The following NBAS variants were observed in gnomAD, a reference collection of about 807,000 sequenced individuals.
NBAS encodes NBAS subunit of NRZ tethering complex, also known as NAG/BC035112 fusion.
NBAS carries 219 observed loss-of-function variants against 302.5 expected under a neutral mutation model. The observed-to-expected ratio is 0.72, with a 90% confidence interval of 0.65 to 0.81. The LOEUF is 0.81. NBAS is among the 30% of genes least tolerant of loss of function. The pLI is 0.00. For synonymous variants in NBAS, 1,118 were observed against 1,021.6 expected (o/e 1.09, Z -1.80); for missense variants, 2,932 against 2,841.6 (o/e 1.03, Z -0.72).
rs1242796174 is a variant in NBAS at position 15,504,044 on chromosome 2, G to A, written c.954+101C>T. 5.7e-6 allele frequency: 5 copies of A among 878,326 alleles called. No individual in the cohort carries two copies. The East Asian group carries it at 9.8e-5, about 17-fold the overall frequency. The allele number at this position is 878,326 out of a possible 1,614,324, so 54.4% of individuals were successfully genotyped here. On this transcript the variant is annotated intron_variant, in intron 11 of 51. Coordinates refer to ENST00000281513, the MANE Select transcript of NBAS (RefSeq NM_015909.4). ...ATAGTGTATATGAATACACTCAGATGAAGATACAAAAAATTCGAGGTTCAT... is the reference window on the plus strand; with the variant it reads ...ATAGTGTATATGAATACACTCAGATAAAGATACAAAAAATTCGAGGTTCAT...
At chr2:14,869,518 G>GT in the NBAS span, among the ~76,000 whole-genome samples, 1 of 152,080 alleles carries the variant, frequency 6.6e-6, no homozygotes, top group Non-Finnish European at 1.5e-5. Context: ...ATTTATCAAA[G>GT]TTTTTTAATG....
intron 35 of NBAS, among the ~76,000 whole-genome samples, chr2:15,333,157 C>T (rs1279209917): frequency 1.3e-5 from 2 of 152,114 alleles, no homozygotes; most frequent in African/African-American, 4.8e-5. Context: ...CAGAAGGCTT[C>T]GCAGAGAAGG....
chr2:15,535,236 A>G (rs1005385790), intron 8 of NBAS, among the ~76,000 whole-genome samples: 1 of 152,188 alleles, frequency 6.6e-6, no homozygotes. Context: ...AAAATGGCAT[A>G]GTAGGCCAGG....
the NBAS span, among the ~76,000 whole-genome samples, chr2:14,963,515 AC>A: frequency 2.0e-5 from 3 of 152,296 alleles, no homozygotes; most frequent in African/African-American, 7.2e-5. Context: ...TTTTCTTTCA[AC>A]AAAAAGGAAA....
chr2:15,093,642 C>G, the NBAS span, among the ~76,000 whole-genome samples: 10 of 152,110 alleles, frequency 6.6e-5, no homozygotes, highest in African/African-American at 2.4e-4. Flanking sequence ...GGAACTTTAT[C>G]AGTGTTATTT....
intron 23 of NBAS, among the ~76,000 whole-genome samples, chr2:15,420,234 G>A (rs930988891): frequency 3.3e-5 from 5 of 152,136 alleles, no homozygotes; most frequent in African/African-American, 7.2e-5. Flanking sequence ...CACAGAAGCC[G>A]AAGAAGAATT....
At chr2:15,172,435 T>C (rs1004055784) in intron 51 of NBAS, among the ~76,000 whole-genome samples, 1 of 152,304 alleles carries the variant, frequency 6.6e-6, no homozygotes, top group Non-Finnish European at 1.5e-5. Context: ...TTGTTTACAG[T>C]TCTGTTTCGG....
intron 48 of NBAS, among the ~76,000 whole-genome samples, chr2:15,217,350 C>T (rs1005548734): frequency 6.6e-6 from 1 of 152,114 alleles, no homozygotes; most frequent in African/African-American, 2.4e-5. Context: ...GAAGAGCAAA[C>T]AATAGTATTG....
chr2:14,954,244 GAATT>G, the NBAS span, among the ~76,000 whole-genome samples: 1 of 152,174 alleles, frequency 6.6e-6, no homozygotes, highest in African/African-American at 2.4e-5. Flanking sequence ...GTGCTAAAAT[GAATT>G]AATTGAGGTC....
rs902447431 is a variant in NBAS at position 15,334,480 on chromosome 2, GC to G, written c.4180-3716del. Among the ~76,000 whole-genome samples, 182 of 152,112 alleles carry G rather than the reference GC, an allele frequency of 1.2e-3. 1 individual carries two copies. The highest frequency in any genetic ancestry group is 4.3e-3 in the African/African-American group (177 of 41,504). On this transcript the variant is annotated intron_variant, in intron 35 of 51. Coordinates refer to ENST00000281513, the MANE Select transcript of NBAS (RefSeq NM_015909.4). ...TGGGATTACAGGTGTCAGCCACCAC[GC>G]CTCTCTTCTCCTTAAGCCAATTTGG... is the stretch of plus-strand genomic sequence containing the variant.
the NBAS span, among the ~76,000 whole-genome samples, chr2:15,026,793 T>C: frequency 6.6e-6 from 1 of 152,200 alleles, no homozygotes; most frequent in East Asian, 1.9e-4. Context: ...TTAATTTATC[T>C]GAAATATATT....
chr2:15,413,221 A>T (rs1676766613), intron 25 of NBAS, among the ~76,000 whole-genome samples: 1 of 152,166 alleles, frequency 6.6e-6, no homozygotes, highest in Non-Finnish European at 1.5e-5. Context: ...TTGTCTTGCT[A>T]CATTTTTTAT....
At chr2:15,215,724 A>C (rs760273424) in intron 48 of NBAS, among the ~76,000 whole-genome samples, 1 of 152,072 alleles carries the variant, frequency 6.6e-6, no homozygotes, top group East Asian at 1.9e-4. Flanking sequence ...TGATGAGGGG[A>C]GCACAACATC....
chr2:15,096,145 C>T, the NBAS span, among the ~76,000 whole-genome samples: 1 of 152,220 alleles, frequency 6.6e-6, no homozygotes, highest in Non-Finnish European at 1.5e-5. Context: ...TTGTTTAAAA[C>T]AACAACAGCT....
In NBAS at chr2:15,327,842, T is replaced by C. The variant is rs748537968; in HGVS notation, c.4490A>G (p.His1497Arg). Residue 1497 changes from histidine to arginine, a missense_variant, in exon 38 of 52, where the codon CAT becomes CGT. Transcript: ENST00000281513. ...TTCTGCAAAGCTTTCCACTGGAACA[T>C]GCTGATAGGTGTCATAGGTCCCTTC... ...ESEGTYDTYQ[H>R]VPVESFAEVL... 1.7e-5 allele frequency: 28 copies of C among 1,613,618 alleles called. No individual in the cohort carries two copies. The Middle Eastern group carries it at 4.9e-4, about 28-fold the overall frequency.
At position 15,466,696 on chromosome 2, in the gene NBAS, A is replaced by C. The variant is rs144774585; in HGVS notation, c.2097+633T>G. On this transcript the variant is annotated intron_variant, in intron 19 of 51. Transcript: ENST00000281513. ...CTCACACCTGTAATCCTAGCACTTC[A>C]GGAGGCTGAGGCGGGTGGATTGCTT... 5.9e-3 allele frequency among the ~76,000 whole-genome samples: 898 copies of C among 152,278 alleles called. 9 individuals are homozygous for C. The highest frequency in any genetic ancestry group is 0.02 in the African/African-American group (817 of 41,562).
At chr2:15,439,768 C>A (rs1678250441) in intron 21 of NBAS, among the ~76,000 whole-genome samples, 1 of 152,196 alleles carries the variant, frequency 6.6e-6, no homozygotes, top group Non-Finnish European at 1.5e-5. Flanking sequence ...AAAGGGGTGA[C>A]AGACAGCACC....
the NBAS span, among the ~76,000 whole-genome samples, chr2:15,094,360 A>C: frequency 6.6e-6 from 1 of 152,214 alleles, no homozygotes; most frequent in Non-Finnish European, 1.5e-5. Context: ...AAAAAAATAC[A>C]TTGCTCCTGG....
chr2:14,904,722 C>A, the NBAS span, among the ~76,000 whole-genome samples: 1 of 152,132 alleles, frequency 6.6e-6, no homozygotes, highest in African/African-American at 2.4e-5. Flanking sequence ...AGGCACTGTG[C>A]GCAATTTGTG....
Sources: gnomAD v4.1 joint callset for allele counts (sites outside exome capture counted in the v4.1 genomes callset) on GRCh38, gnomAD v4.1.1 for gene constraint, MANE v1.5 for transcripts, NCBI Gene and HGNC (gene_info 2026-07-23, HGNC 2026-07-21) for gene names.